Variants in SYNDIG1 observed in about 807,000 individuals in gnomAD.
The protein encoded by SYNDIG1 is synapse differentiation-inducing gene protein 1.
SYNDIG1 carries 9 observed loss-of-function variants against 19.4 expected under a neutral mutation model. The observed-to-expected ratio is 0.46, with a 90% CI of 0.28 to 0.81. The LOEUF is 0.81. Among genes scored for constraint, SYNDIG1 ranks in the 30% least tolerant of loss-of-function variants. The pLI, the probability that SYNDIG1 is intolerant of heterozygous loss-of-function variation, is 0.12. For missense variants in SYNDIG1, 311 were observed against 343.3 expected (o/e 0.91, Z 0.74); for synonymous variants, 141 against 145.9 (o/e 0.97, Z 0.24).
chr20:24,529,337 T>A lies in SYNDIG1; in HGVS notation c.-78-13683T>A, dbSNP rs1439593644. On this transcript the variant is annotated intron_variant, in intron 1 of 3. Coordinates refer to ENST00000376862, the MANE Select transcript of SYNDIG1 (RefSeq NM_024893.3). ...AGTGGTGGTGATGTAATGGTGGTTG[T>A]GGATTTCTGGTAGTGATGGTGGTGG... Among the ~76,000 whole-genome samples, 9 of 152,200 alleles carry A rather than the reference T, an allele frequency of 5.9e-5. No homozygotes were observed. The Middle Eastern group carries it at 0.017, about 288-fold the overall frequency.
intron 3 of SYNDIG1, among the ~76,000 whole-genome samples, chr20:24,640,823 G>A (rs965078644): frequency 2.6e-5 from 4 of 152,152 alleles, no homozygotes; most frequent in Admixed American, 6.5e-5. Flanking sequence ...CAACCCGATA[G>A]CATTTCACAG....
intron 1 of SYNDIG1, among the ~76,000 whole-genome samples, chr20:24,475,681 G>A (rs1008917325): frequency 6.6e-6 from 1 of 152,190 alleles, no homozygotes; most frequent in African/African-American, 2.4e-5. Context: ...GGACCTTGGA[G>A]AGGACCCTGC....
intron 1 of SYNDIG1, among the ~76,000 whole-genome samples, chr20:24,513,927 C>T (rs550868329): frequency 5.6e-4 from 85 of 152,262 alleles, no homozygotes; most frequent in Admixed American, 2.0e-3. Flanking sequence ...ACGGATCTCT[C>T]GGCAGAAACT....
At chr20:24,652,881 G>C (rs533107286) in intron 3 of SYNDIG1, among the ~76,000 whole-genome samples, 1 of 152,282 alleles carries the variant, frequency 6.6e-6, no homozygotes, top group African/African-American at 2.4e-5. Context: ...TGTCTGCAGT[G>C]GGGCTGACAC....
chr20:24,471,594 G>A (rs2055460077), intron 1 of SYNDIG1, among the ~76,000 whole-genome samples: 1 of 124,898 alleles, frequency 8.0e-6, no homozygotes, highest in Non-Finnish European at 1.7e-5. Context: ...TAATCAAGAG[G>A]GCCTTGTTAA....
At chr20:24,578,331 T>C (rs2058262980) in intron 2 of SYNDIG1, among the ~76,000 whole-genome samples, 1 of 151,674 alleles carries the variant, frequency 6.6e-6, no homozygotes, top group Non-Finnish European at 1.5e-5. Flanking sequence ...TAATCCCAGC[T>C]ACTCCAGAGG....
intron 2 of SYNDIG1, among the ~76,000 whole-genome samples, chr20:24,574,958 A>G (rs1390348370): frequency 4.6e-5 from 7 of 152,216 alleles, no homozygotes; most frequent in Non-Finnish European, 1.0e-4. Flanking sequence ...TAACAGAGAC[A>G]GTTCTCTTTT....
intron 3 of SYNDIG1, among the ~76,000 whole-genome samples, chr20:24,623,100 A>C (rs981956994): frequency 3.3e-5 from 5 of 152,030 alleles, no homozygotes; most frequent in Admixed American, 3.3e-4. Context: ...AATTGCTTGA[A>C]CATAGGAGTC....
At chr20:24,486,762 G>A (rs754022468) in intron 1 of SYNDIG1, among the ~76,000 whole-genome samples, 30 of 152,052 alleles carry the variant, frequency 2.0e-4, no homozygotes, top group Middle Eastern at 6.8e-3. Flanking sequence ...GGGTTCAAGC[G>A]ATTCTCCTGC....
chr20:24,591,776 C>T (rs2058515478), intron 3 of SYNDIG1, among the ~76,000 whole-genome samples: 2 of 152,152 alleles, frequency 1.3e-5, no homozygotes, highest in Admixed American at 1.3e-4. Context: ...GGTCATGCTT[C>T]CAAGGGTAGA....
chr20:24,532,202 G>A (rs1046196126), intron 1 of SYNDIG1, among the ~76,000 whole-genome samples: 6 of 152,076 alleles, frequency 3.9e-5, no homozygotes, highest in East Asian at 3.9e-4. Flanking sequence ...AATTAGCCCC[G>A]TATTACACAA....
At chr20:24,549,475 G>T (rs980705804) in intron 2 of SYNDIG1, among the ~76,000 whole-genome samples, 27 of 152,146 alleles carry the variant, frequency 1.8e-4, no homozygotes, top group African/African-American at 6.5e-4. Flanking sequence ...ACGTGGGGTG[G>T]GTGTGGTTCA....
chr20:24,571,264 C>G (rs1402027482), intron 2 of SYNDIG1, among the ~76,000 whole-genome samples: 1 of 152,144 alleles, frequency 6.6e-6, no homozygotes, highest in African/African-American at 2.4e-5. Flanking sequence ...AAGAATGAGG[C>G]ACAGATACAC....
chr20:24,553,937 A>G (rs2057759852), intron 2 of SYNDIG1, among the ~76,000 whole-genome samples: 3 of 152,178 alleles, frequency 2.0e-5, no homozygotes, highest in South Asian at 2.1e-4. Context: ...CTTCCTACCC[A>G]TGAGCATGGA....
In SYNDIG1 at chr20:24,658,344, G is replaced by A. The variant is rs2059549073; in HGVS notation, c.619-7002G>A. ...GTGACGCGGCAGGGGACTGGAGCTC[G>A]GTGGAGTGGACTCTGCCTCGGGGTC... On this transcript the variant is annotated intron_variant, in intron 3 of 3. Transcript: ENST00000376862. The surrounding 1 kb of genome is among the most constrained non-coding windows in gnomAD (Gnocchi z 4.4). Among the ~76,000 whole-genome samples, 1 of 152,054 alleles carries A rather than the reference G, an allele frequency of 6.6e-6. No homozygotes were observed. Among genetic ancestry groups the A allele is most frequent in the Non-Finnish European group, 1.5e-5 (1 of 67,994 alleles).
intron 2 of SYNDIG1, among the ~76,000 whole-genome samples, chr20:24,565,222 G>A (rs1018265017): frequency 3.3e-5 from 5 of 152,208 alleles, no homozygotes; most frequent in Admixed American, 1.3e-4. Flanking sequence ...GTGGAAGTCT[G>A]TGCCACCCTG....
chr20:24,660,702 G>A (rs905426825), intron 3 of SYNDIG1, among the ~76,000 whole-genome samples: 29 of 152,318 alleles, frequency 1.9e-4, no homozygotes, highest in Admixed American at 1.2e-3. Context: ...TCAGGCCCAC[G>A]CTCACCTTCG....
chr20:24,566,520 C>T (rs965024830), intron 2 of SYNDIG1, among the ~76,000 whole-genome samples: 1 of 152,192 alleles, frequency 6.6e-6, no homozygotes, highest in Admixed American at 6.5e-5. Context: ...CTGGTGTACA[C>T]CGTGGTCTTA....
intron 1 of SYNDIG1, chr20:24,491,435 A>G (rs1050105770): frequency 3.9e-5 from 6 of 152,220 alleles, no homozygotes; most frequent in African/African-American, 1.4e-4. Flanking sequence ...CGAGCCTCAG[A>G]TGCTATTGCC....
Sources: gnomAD v4.1 joint callset for allele counts (sites outside exome capture counted in the v4.1 genomes callset) on GRCh38, gnomAD v4.1.1 for gene constraint, Gnocchi (gnomAD v3.1) non-coding constraint, MANE v1.5 for transcripts, NCBI Gene and HGNC (gene_info 2026-07-23, HGNC 2026-07-21) for gene names.